The following CNTNAP2 variants were observed in gnomAD, a reference collection of about 807,000 sequenced individuals.
The protein encoded by CNTNAP2 is contactin-associated protein-like 2.
CNTNAP2 carries 98 observed loss-of-function variants against 155.2 expected under a neutral mutation model. The ratio of observed to expected loss-of-function variants is 0.63; its 90% confidence interval spans 0.54 to 0.75. CNTNAP2 has a LOEUF of 0.75. CNTNAP2 is among the 30% of genes least tolerant of loss of function. The pLI is 0.00. For synonymous variants in CNTNAP2, 651 were observed against 631.2 expected (o/e 1.03, Z -0.47); for missense variants, 1,727 against 1,688.1 (o/e 1.02, Z -0.40).
chr7:147,102,282 G>GAAAAAAAAAAAAAAAAAA (rs555981471), intron 4 of CNTNAP2, among the ~76,000 whole-genome samples: 53 of 110,444 alleles, frequency 4.8e-4, no homozygotes, highest in African/African-American at 1.7e-3. Context: ...TAGGCAAAAA[G>GAAAAAAAAAAAAAAAAAA]AAAAAAAAAA....
chr7:147,667,334 A>G (rs1001302800), intron 13 of CNTNAP2, among the ~76,000 whole-genome samples: 1 of 152,188 alleles, frequency 6.6e-6, no homozygotes, highest in Non-Finnish European at 1.5e-5. Context: ...TTAAAGCACT[A>G]TTATCCCTAA....
At chr7:146,304,364 T>C (rs1474390350) in intron 1 of CNTNAP2, among the ~76,000 whole-genome samples, 1 of 152,108 alleles carries the variant, frequency 6.6e-6, no homozygotes, top group Non-Finnish European at 1.5e-5. Flanking sequence ...CTTCCTAGCA[T>C]TGATGGTCTT....
chr7:147,391,351 T>C (rs1022974549), intron 9 of CNTNAP2, among the ~76,000 whole-genome samples: 1 of 151,882 alleles, frequency 6.6e-6, no homozygotes, highest in Admixed American at 6.6e-5. Context: ...TCTGCCACTG[T>C]AAGTCATCCT....
chr7:148,406,175 T>C (rs141015275), intron 22 of CNTNAP2, among the ~76,000 whole-genome samples: 2,187 of 151,956 alleles, frequency 0.014, 48 homozygotes, highest in African/African-American at 0.05. Flanking sequence ...GAGCTTGCAG[T>C]GAGCTGAGAT....
intron 1 of CNTNAP2, among the ~76,000 whole-genome samples, chr7:146,765,468 G>A (rs952964138): frequency 1.3e-5 from 2 of 152,168 alleles, no homozygotes; most frequent in Non-Finnish European, 2.9e-5. Context: ...GAAGCACTTT[G>A]CCTTGCTTGC....
intron 9 of CNTNAP2, among the ~76,000 whole-genome samples, chr7:147,336,488 T>G (rs924848738): frequency 1.3e-5 from 2 of 152,168 alleles, no homozygotes; most frequent in Admixed American, 6.6e-5. Flanking sequence ...GGGTTTGGTT[T>G]AATTTATTGA....
At chr7:146,705,622 A>C (rs560418168) in intron 1 of CNTNAP2, among the ~76,000 whole-genome samples, 56 of 150,330 alleles carry the variant, frequency 3.7e-4, no homozygotes, top group African/African-American at 1.3e-3. Context: ...CTCACAGTCC[A>C]CATGGCTGGG....
intron 10 of CNTNAP2, among the ~76,000 whole-genome samples, chr7:147,452,215 C>A (rs1048420760): frequency 1.3e-5 from 2 of 152,158 alleles, no homozygotes; most frequent in African/African-American, 4.8e-5. Context: ...TATATGAATA[C>A]ACATATCAGA....
chr7:147,873,637 C>A (rs1799373009), intron 13 of CNTNAP2, among the ~76,000 whole-genome samples: 2 of 152,146 alleles, frequency 1.3e-5, no homozygotes, highest in African/African-American at 2.4e-5. Flanking sequence ...GGGGACACAG[C>A]CAAACTATAT....
chr7:147,450,674 A>G (rs1432375259), intron 10 of CNTNAP2, among the ~76,000 whole-genome samples: 4 of 152,228 alleles, frequency 2.6e-5, no homozygotes, highest in African/African-American at 7.2e-5. Flanking sequence ...GTAAAAATCT[A>G]CAAGTCTTCT....
chr7:148,073,090 C>T (rs899063830), intron 15 of CNTNAP2, among the ~76,000 whole-genome samples: 3 of 152,138 alleles, frequency 2.0e-5, no homozygotes, highest in East Asian at 1.9e-4. Context: ...CCCCCAATTG[C>T]AACAACTAGA....
chr7:146,750,576 T>G (rs1801886047), intron 1 of CNTNAP2, among the ~76,000 whole-genome samples: 1 of 151,636 alleles, frequency 6.6e-6, no homozygotes, highest in African/African-American at 2.4e-5. Context: ...CTTGAGCAGG[T>G]TGCTATTGCC....
chr7:147,258,752 A>G (rs1227078071), intron 8 of CNTNAP2, among the ~76,000 whole-genome samples: 1 of 152,188 alleles, frequency 6.6e-6, no homozygotes, highest in East Asian at 1.9e-4. Flanking sequence ...CTAAACTTGC[A>G]GTTCTTGGTA....
chr7:148,374,196 A>AT (rs1387604206), intron 21 of CNTNAP2, among the ~76,000 whole-genome samples: 138 of 151,110 alleles, frequency 9.1e-4, no homozygotes, highest in African/African-American at 1.6e-3. Flanking sequence ...TCCTCAAAGG[A>AT]TTTTTTTTTC....
At chr7:147,755,165 T>G (rs1797196353) in intron 13 of CNTNAP2, among the ~76,000 whole-genome samples, 1 of 152,186 alleles carries the variant, frequency 6.6e-6, no homozygotes, top group Non-Finnish European at 1.5e-5. Flanking sequence ...TGGTGACAGC[T>G]TAAGTGTATG....
At chr7:147,563,224 T>C (rs76135597) in intron 12 of CNTNAP2, among the ~76,000 whole-genome samples, 1 of 152,222 alleles carries the variant, frequency 6.6e-6, no homozygotes, top group Non-Finnish European at 1.5e-5. Context: ...CATTATTGTA[T>C]GAATACAATA....
At chr7:146,866,933 A>G (rs1202405994) in intron 3 of CNTNAP2, among the ~76,000 whole-genome samples, 1 of 152,148 alleles carries the variant, frequency 6.6e-6, no homozygotes, top group African/African-American at 2.4e-5. Flanking sequence ...AATATCATAT[A>G]TATTACATAT....
At chr7:147,157,176 C>T (rs1191597866) in intron 8 of CNTNAP2, among the ~76,000 whole-genome samples, 1 of 152,038 alleles carries the variant, frequency 6.6e-6, no homozygotes, top group Non-Finnish European at 1.5e-5. Context: ...CTCCATGACA[C>T]CCTCCAGGTC....
intron 1 of CNTNAP2, among the ~76,000 whole-genome samples, chr7:146,517,362 T>C (rs1257515661): frequency 3.9e-5 from 6 of 151,984 alleles, no homozygotes; most frequent in African/African-American, 1.4e-4. Flanking sequence ...TGAGATTTAA[T>C]TGTCAGGAGA....
Sources: gnomAD v4.1 joint callset for allele counts (sites outside exome capture counted in the v4.1 genomes callset) on GRCh38, gnomAD v4.1.1 for gene constraint, MANE v1.5 for transcripts, NCBI Gene and HGNC (gene_info 2026-07-23, HGNC 2026-07-21) for gene names.